GDA: variants seen among roughly 807,000 people sequenced by gnomAD.
The protein encoded by GDA is cytoplasmic PSD-95 interactor.
In GDA, 18 loss-of-function variants were observed where a neutral mutation model predicts 59.6. The ratio of observed to expected loss-of-function variants is 0.30; its 90% CI spans 0.21 to 0.45. The LOEUF is 0.45. Among genes scored for constraint, GDA ranks in the 20% least tolerant of loss-of-function variants. The pLI, the probability that GDA is intolerant of heterozygous loss-of-function variation, is 1.00. For synonymous variants in GDA, 201 were observed against 201.1 expected (o/e 1.00, Z 0.00); for missense variants, 427 against 552.3 (o/e 0.77, Z 2.27).
At position 72,125,660 on chromosome 9, in the gene GDA, C is replaced by A. The variant is rs146241091; in HGVS notation, c.-100+10827C>A. On this transcript the variant is annotated intron_variant, in intron 1 of 13. Coordinates refer to the GDA transcript ENST00000545168. ...AATGATATAGTGGTATCAATATTTA[C>A]CAGCCCATTCAACAACAAGATTTAG... Among the ~76,000 whole-genome samples, 4 of 152,228 alleles carry A rather than the reference C, an allele frequency of 2.6e-5. No homozygotes were observed. The East Asian group carries it at 7.7e-4, about 29-fold the overall frequency.
At chr9:72,205,110 CAAAAAAA>C (rs71357549) in intron 3 of GDA, among the ~76,000 whole-genome samples, 7 of 86,148 alleles carry the variant, frequency 8.1e-5, no homozygotes, top group African/African-American at 2.8e-4. Flanking sequence ...GACTCTGTCT[CAAAAAAA>C]AAAAAAAAAA....
At chr9:72,125,055 G>A (rs1470867354) in intron 1 of GDA, among the ~76,000 whole-genome samples, 1 of 152,226 alleles carries the variant, frequency 6.6e-6, no homozygotes, top group African/African-American at 2.4e-5. Context: ...ATTTGGGAGA[G>A]AGGACTCAAA....
In GDA at chr9:72,225,710, G is replaced by A. The variant is rs1035127897; in HGVS notation, c.748G>A (p.Ala250Thr). The A allele has an allele frequency of 1.3e-6, 2 of 1,544,904 alleles. No homozygotes were observed. The highest frequency in any genetic ancestry group is 1.8e-6 in the Non-Finnish European group (2 of 1,124,480). ...HISENRDEVE[A>T]VKNLYPSYKN... ...AAGTGAAAATCGTGATGAAGTTGAA[G>A]CTGTGAAAAACTTATACCCCAGTTA... is the stretch of plus-strand genomic sequence containing the variant. Residue 250 changes from alanine to threonine, a missense_variant, in exon 8 of 14, where the codon GCT becomes ACT. Ala to Thr is a moderately conservative substitution (Grantham distance 58). Transcript: ENST00000358399.
At chr9:72,166,070 C>T (rs909784871) in intron 1 of GDA, among the ~76,000 whole-genome samples, 1 of 152,114 alleles carries the variant, frequency 6.6e-6, no homozygotes, top group African/African-American at 2.4e-5. Flanking sequence ...ACATAGGTGA[C>T]TCACATACAA....
At chr9:72,182,294 G>C (rs1371090824) in intron 1 of GDA, among the ~76,000 whole-genome samples, 1 of 152,126 alleles carries the variant, frequency 6.6e-6, no homozygotes, top group Non-Finnish European at 1.5e-5. Flanking sequence ...CTCCATTTAT[G>C]TATCACATTC....
At chr9:72,236,776 ATTTTT>A (rs201065067) in intron 10 of GDA, among the ~76,000 whole-genome samples, 1,479 of 101,446 alleles carry the variant, frequency 0.015, 24 homozygotes, top group African/African-American at 0.055. Context: ...AACCACTCCT[ATTTTT>A]TTTTTTTTTT....
intron 1 of GDA, among the ~76,000 whole-genome samples, chr9:72,129,439 G>A (rs952378160): frequency 6.6e-6 from 1 of 152,170 alleles, no homozygotes; most frequent in African/African-American, 2.4e-5. Flanking sequence ...TCCACCTCCA[G>A]ACCCGTGGAC....
intron 1 of GDA, among the ~76,000 whole-genome samples, chr9:72,140,820 G>A (rs1826414265): frequency 6.6e-6 from 1 of 152,168 alleles, no homozygotes; most frequent in African/African-American, 2.4e-5. Context: ...CATGTAGTCT[G>A]TAGTCTGAGA....
At chr9:72,132,888 C>T (rs1392391251) in intron 1 of GDA, among the ~76,000 whole-genome samples, 1 of 152,266 alleles carries the variant, frequency 6.6e-6, no homozygotes, top group African/African-American at 2.4e-5. Flanking sequence ...AGATGGGTTC[C>T]ATTACCGCCA....
intron 1 of GDA, among the ~76,000 whole-genome samples, chr9:72,182,339 T>C (rs186188638): frequency 6.6e-6 from 1 of 152,302 alleles, no homozygotes; most frequent in Non-Finnish European, 1.5e-5. Flanking sequence ...GGGTCTTTAG[T>C]GTTTCTTTGT....
chr9:72,135,662 A>T (rs1826195938), intron 1 of GDA, among the ~76,000 whole-genome samples: 1 of 151,382 alleles, frequency 6.6e-6, no homozygotes, highest in Non-Finnish European at 1.5e-5. Flanking sequence ...TGGCGCGGTG[A>T]CTCACGCCTG....
At chr9:72,253,857 A>T (rs1225311034), downstream of GDA, among the ~76,000 whole-genome samples, 1 of 152,218 alleles carries the variant, frequency 6.6e-6, no homozygotes, top group Non-Finnish European at 1.5e-5. Context: ...AGATTTGGAT[A>T]TAAGAGTTAG....
At chr9:72,174,723 A>G (rs1830351744) in intron 1 of GDA, among the ~76,000 whole-genome samples, 1 of 151,784 alleles carries the variant, frequency 6.6e-6, no homozygotes, top group Non-Finnish European at 1.5e-5. Context: ...TGTTGAGGTT[A>G]TATATTGGGA....
Position 72,250,075 on chromosome 9 carries a change from T to C in GDA, c.*1733T>C, listed in dbSNP as rs1013843660. The C allele has an allele frequency of 8.1e-6, 8 of 982,398 alleles. No homozygotes were observed. In the South Asian group the frequency reaches 3.3e-4, roughly 40 times the overall value. 60.9% of individuals were successfully genotyped at this position (982,398 alleles called of 1,614,324 possible). A position where few individuals can be genotyped will look rare whatever the true frequency, so the allele number is the denominator to read the frequency against. On this transcript the variant is annotated 3_prime_UTR_variant, in exon 14 of 14. Coordinates refer to ENST00000358399, the MANE Select transcript of GDA (RefSeq NM_004293.5). ...CCAGTCTTAGTCTGTATTTCCAATA[T>C]TTCTAATTCCTGAGCCACGTCAAAG...
In GDA at chr9:72,202,639, G is replaced by A. The variant is rs1834138650; in HGVS notation, c.281G>A (p.Ser94Asn). The change falls in exon 3 of 14, where the codon AGC (serine) becomes AAC (asparagine). Residue 94 changes from serine (S) to asparagine (N), a missense_variant. By Grantham distance (46) the Ser-to-Asn change is conservative. Transcript: ENST00000358399. ...HASQYSFAGS[S>N]IDLPLLEWLT... ...TCTCAGTATTCCTTTGCTGGAAGTA[G>A]CATAGACCTGCCACTCTTGGAGTGG... 1.2e-6 allele frequency: 2 copies of A among 1,612,044 alleles called. No homozygotes were observed. The highest frequency in any genetic ancestry group is 1.1e-5 in the South Asian group (1 of 91,048).
intron 1 of GDA, among the ~76,000 whole-genome samples, chr9:72,131,836 A>G (rs988779435): frequency 2.0e-5 from 3 of 152,184 alleles, no homozygotes; most frequent in Non-Finnish European, 2.9e-5. Context: ...ACCCCTTTAT[A>G]TTAGTCTGTT....
At chr9:72,143,783 A>G (rs1387472542) in intron 1 of GDA, among the ~76,000 whole-genome samples, 1 of 152,084 alleles carries the variant, frequency 6.6e-6, no homozygotes, top group Non-Finnish European at 1.5e-5. Context: ...TGTCTTTTCT[A>G]TATTTGAACT....
intron 1 of GDA, among the ~76,000 whole-genome samples, chr9:72,137,836 G>T (rs1312909206): frequency 2.6e-5 from 4 of 152,100 alleles, no homozygotes; most frequent in Non-Finnish European, 5.9e-5. Context: ...TCCCTGGGGA[G>T]TGTAAGAATT....
intron 8 of GDA, 88 bp from the exon 9 acceptor site, chr9:72,227,855 T>G (rs1837788112): frequency 4.2e-6 from 3 of 709,562 alleles, no homozygotes; most frequent in African/African-American, 3.5e-5. Flanking sequence ...AGCTACAGCT[T>G]CGGTCTCTCT....
Sources: allele counts gnomAD v4.1 joint callset (sites outside exome capture counted in the v4.1 genomes callset), GRCh38; gene constraint gnomAD v4.1.1; transcripts MANE v1.5; gene names NCBI Gene and HGNC (gene_info 2026-07-23, HGNC 2026-07-21).